The following CCNL1 variants were observed in gnomAD, a reference collection of about 807,000 sequenced individuals.
CCNL1 encodes the protein cyclin L1.
In CCNL1, 13 loss-of-function variants were observed where a neutral mutation model predicts 60.6. The ratio of observed to expected loss-of-function variants is 0.21; its 90% CI spans 0.14 to 0.34. CCNL1 has a LOEUF of 0.34. Ranked by LOEUF, CCNL1 falls within the 10% of genes least tolerant of loss-of-function variation. CCNL1 has a pLI of 1.00. For missense variants in CCNL1, 481 were observed against 664.3 expected (o/e 0.72, Z 3.03); for synonymous variants, 270 against 244.3 (o/e 1.10, Z -0.98).
chr3:157,157,099 C>T (rs1224122031), intron 3 of CCNL1: 1 of 1,289,232 alleles, frequency 7.8e-7, no homozygotes. Context: ...TAGTCGGTTG[C>T]AAGGGAAAAA....
Position 157,152,206 on chromosome 3 carries a change from T to C in CCNL1, c.645A>G (p.Glu215=). The change falls in exon 5 of 11, where the codon GAA becomes GAG. Residue 215 remains glutamate (E), a synonymous_variant. Transcript: ENST00000295926. ...IVMYLQVLEC[E]RNQTLVQTAW... ...CAGTTTGAACCAGGGTTTGATTACGTTCACATTCTAAGACTTGTAAATACA... is the reference window on the plus strand; with the variant it reads ...CAGTTTGAACCAGGGTTTGATTACGCTCACATTCTAAGACTTGTAAATACA... 2 of 1,612,702 alleles carry C rather than the reference T, an allele frequency of 1.2e-6. No individual in the cohort carries two copies. Among genetic ancestry groups the C allele is most frequent in the Non-Finnish European group, 1.7e-6 (2 of 1,179,438 alleles).
intron 3 of CCNL1, among the ~76,000 whole-genome samples, chr3:157,155,622 A>C (rs1460943434): frequency 6.6e-6 from 1 of 152,192 alleles, no homozygotes; most frequent in Non-Finnish European, 1.5e-5. Flanking sequence ...TCAACGGTGC[A>C]CACGTAATTT....
At chr3:157,155,758 G>T (rs1446667259) in intron 3 of CCNL1, among the ~76,000 whole-genome samples, 1 of 152,068 alleles carries the variant, frequency 6.6e-6, no homozygotes, top group Non-Finnish European at 1.5e-5. Flanking sequence ...TTAAATTAAG[G>T]CCTGCTAGAA....
rs983931662 is a variant in CCNL1, at chr3:157,159,853, T to C, written c.242A>G (p.Asp81Gly). Residue 81 changes from aspartate (D) to glycine (G), a missense_variant, in exon 1 of 11, where the codon GAC (aspartate) becomes GGC (glycine). Transcript: ENST00000295926. ...QDGLDLPSET[D>G]LRILGCELIQ... ...GAGCTCGCAGCCCAGGATGCGTAAG[T>C]CCGTCTCACTGGGCAGGTCGAGCCC... is the stretch of plus-strand genomic sequence containing the variant. 5 of 1,572,234 alleles carry C rather than the reference T, an allele frequency of 3.2e-6. No homozygotes were observed. Among genetic ancestry groups the C allele is most frequent in the Non-Finnish European group, 4.3e-6 (5 of 1,157,936 alleles).
intron 3 of CCNL1, among the ~76,000 whole-genome samples, chr3:157,155,341 C>T (rs997660391): frequency 6.6e-6 from 1 of 152,126 alleles, no homozygotes. Context: ...TGCAATTACA[C>T]TAAAGAAGCT....
At chr3:157,151,537 C>T (rs1317984797) in intron 5 of CCNL1, 1 of 985,738 alleles carries the variant, frequency 1.0e-6, no homozygotes, top group Non-Finnish European at 1.2e-6. Context: ...GGAACTGGTG[C>T]CCATTTTAAG....
rs1433877072 is a variant in CCNL1 at position 157,159,535 on chromosome 3, G to C, written c.304-56C>G. On this transcript the variant is annotated intron_variant, in intron 1 of 10. Transcript: ENST00000295926. ...GGGGTCAGGCGGGCCCGCTCCAGGCGCCGCCGCCATTTTGTGCCGCCGATC... is the reference window on the plus strand; with the variant it reads ...GGGGTCAGGCGGGCCCGCTCCAGGCCCCGCCGCCATTTTGTGCCGCCGATC... 4.0e-6 allele frequency: 6 copies of C among 1,493,824 alleles called. No individual in the cohort carries two copies. In the African/African-American group the frequency reaches 7.0e-5, roughly 18 times the overall value. The allele number at this position is 1,493,824 out of a possible 1,614,324, so 92.5% of individuals were successfully genotyped here.
chr3:157,156,848 A>T, intron 3 of CCNL1: 1 of 1,102,952 alleles, frequency 9.1e-7, no homozygotes, highest in South Asian at 1.5e-5. Flanking sequence ...AATAAATACA[A>T]AGCTATAGTT....
Position 157,160,018 on chromosome 3 carries a change from C to G in CCNL1, c.77G>C (p.Ser26Thr). 6.4e-7 allele frequency: 1 copy of G among 1,570,062 alleles called. No individual in the cohort carries two copies. Among genetic ancestry groups the G allele is most frequent in the Non-Finnish European group, 8.6e-7 (1 of 1,157,934 alleles). ...SSAAPSAGGS[S>T]SGTTTTTTTT... The stretch of plus-strand genomic sequence containing the variant: ...CGTCGTCGTGGTCGTCGTCCCGGAG[C>G]TGGAGCCGCCCGCGCTTGGGGCGGC... The change falls in exon 1 of 11, where the codon AGC becomes ACC. Residue 26 changes from serine (S) to threonine (T), a missense_variant. Physicochemically the swap from Ser to Thr is moderately conservative, Grantham distance 58 (BLOSUM62 1). This residue lies in a region of CCNL1 where 65 missense variants were observed against 57.5 expected (regional missense o/e 1.13). Coordinates refer to ENST00000295926, the MANE Select transcript of CCNL1 (RefSeq NM_020307.4).
downstream of CCNL1, among the ~76,000 whole-genome samples, chr3:157,143,373 T>C (rs550995690): frequency 6.6e-6 from 1 of 152,330 alleles, no homozygotes; most frequent in African/African-American, 2.4e-5. Context: ...GGAAGGGTGA[T>C]TGGACATGCC....
chr3:157,144,523 G>A (rs1737727019), downstream of CCNL1, among the ~76,000 whole-genome samples: 1 of 152,248 alleles, frequency 6.6e-6, no homozygotes, highest in African/African-American at 2.4e-5. Flanking sequence ...GTAATGGAAT[G>A]TTCAAATGAT....
rs1293707132 is a variant in CCNL1 at position 157,148,182 on chromosome 3, T to TA, written c.*58dup. ...CGTTTAATGTTTTTGATTGAGTCCA[T>TA]ACATCACACTGTAGATAGGCAAAAC... is the stretch of plus-strand genomic sequence containing the variant. On this transcript the variant is annotated 3_prime_UTR_variant, in exon 11 of 11. Coordinates refer to ENST00000295926, the MANE Select transcript of CCNL1 (RefSeq NM_020307.4). 1.3e-6 allele frequency: 2 copies of TA among 1,556,678 alleles called. No homozygotes were observed. The highest frequency in any genetic ancestry group is 1.7e-6 in the Non-Finnish European group (2 of 1,154,510).
intron 2 of CCNL1, 172 bp from the exon 3 acceptor site, chr3:157,159,147 T>C: frequency 1.6e-6 from 1 of 631,724 alleles, no homozygotes; most frequent in Non-Finnish European, 2.8e-6. Flanking sequence ...TCATCTTAAT[T>C]TTGGTTCCAG....
intron 3 of CCNL1, among the ~76,000 whole-genome samples, chr3:157,158,445 G>A (rs1738794547): frequency 6.6e-6 from 1 of 152,176 alleles, no homozygotes; most frequent in South Asian, 2.1e-4. Flanking sequence ...GGGACTTCGA[G>A]TAGAAAAACA....
At chr3:157,151,133 T>C (rs912713106) in intron 5 of CCNL1, 11 of 984,806 alleles carry the variant, frequency 1.1e-5, no homozygotes, top group Non-Finnish European at 1.3e-5. Flanking sequence ...AGAACTGCTA[T>C]AATCCATTTT....
chr3:157,153,191 T>G (rs1449831765), intron 3 of CCNL1, 35 bp from the exon 4 acceptor site: 1 of 1,579,466 alleles, frequency 6.3e-7, no homozygotes, highest in Non-Finnish European at 8.6e-7. Context: ...AAAACTGTTT[T>G]GCACATCCAA....
chr3:157,150,676 A>T, intron 5 of CCNL1: 1 of 1,072,924 alleles, frequency 9.3e-7, no homozygotes. Flanking sequence ...GTAAAAAGCA[A>T]TGCTTTTCAA....
chr3:157,152,939 A>G, intron 4 of CCNL1, 97 bp downstream of exon 4: 1 of 1,542,454 alleles, frequency 6.5e-7, no homozygotes, highest in East Asian at 2.4e-5. Context: ...TTTAAAACCA[A>G]GGTTAACACT....
intron 5 of CCNL1, 152 bp from the exon 6 acceptor site, chr3:157,150,533 A>C (rs1738106071): frequency 1.4e-6 from 2 of 1,380,802 alleles, no homozygotes; most frequent in Non-Finnish European, 1.9e-6. Flanking sequence ...TCTTAACTCA[A>C]AAAAATCAGT....
Sources: gnomAD v4.1 joint callset for allele counts (sites outside exome capture counted in the v4.1 genomes callset) on GRCh38, gnomAD v4.1.1 for gene constraint, gnomAD v4.1.1 regional missense constraint, MANE v1.5 for transcripts, NCBI Gene and HGNC (gene_info 2026-07-23, HGNC 2026-07-21) for gene names.